The following FUT8 variants were observed in gnomAD, a reference collection of about 807,000 sequenced individuals.
FUT8 encodes fucosyltransferase 8.
FUT8 carries 29 observed loss-of-function variants against 71.3 expected under a neutral mutation model. That is an observed-to-expected ratio of 0.41 (90% CI 0.30 to 0.55). The LOEUF is 0.55. Among genes scored for constraint, FUT8 ranks in the 20% least tolerant of loss-of-function variants. FUT8 has a pLI of 0.34. For missense variants in FUT8, 544 were observed against 702.1 expected, an observed-to-expected ratio of 0.77 and a Z score of 2.55; for synonymous variants, 254 against 239.3, an observed-to-expected ratio of 1.06 and a Z score of -0.57.
the FUT8 span, among the ~76,000 whole-genome samples, chr14:65,401,485 C>G: frequency 6.6e-6 from 1 of 152,170 alleles, no homozygotes; most frequent in Non-Finnish European, 1.5e-5. Context: ...ACTTCCTTCT[C>G]TGGAGAATGT....
intron 7 of FUT8, among the ~76,000 whole-genome samples, chr14:65,691,856 G>A (rs915400140): frequency 1.4e-4 from 22 of 152,104 alleles, no homozygotes; most frequent in Non-Finnish European, 2.9e-4. Context: ...ATCTTGCACC[G>A]CCCTTAATCC....
intron 2 of FUT8, among the ~76,000 whole-genome samples, chr14:65,526,583 G>A (rs1223336545): frequency 1.3e-5 from 2 of 152,172 alleles, no homozygotes; most frequent in East Asian, 3.8e-4. Context: ...ATATTGTTAT[G>A]TGTGAATTTG....
At chr14:65,366,746 T>C in the FUT8 span, among the ~76,000 whole-genome samples, 1 of 152,202 alleles carries the variant, frequency 6.6e-6, no homozygotes, top group Non-Finnish European at 1.5e-5. Context: ...TCCTAGACTT[T>C]CCAGCTATGC....
rs182849415 is a variant in FUT8 at position 65,436,055 on chromosome 14, C to T, written c.-325-19566C>T. 1.6e-3 allele frequency among the ~76,000 whole-genome samples: 241 copies of T among 151,782 alleles called. 3 individuals carry two copies. Among genetic ancestry groups the T allele is most frequent in the Middle Eastern group, 6.8e-3 (2 of 294 alleles). On this transcript the variant is annotated intron_variant, in intron 1 of 10. Coordinates refer to ENST00000673929, the MANE Select transcript of FUT8 (RefSeq NM_001371533.1). ...AAGCAGTTCTTCTACCTCAGTCTCC[C>T]GAGAAGCTGGGACCACAGGTGTGTG... is the stretch of plus-strand genomic sequence containing the variant.
chr14:65,713,203 C>T (rs1894889689), intron 7 of FUT8, among the ~76,000 whole-genome samples: 1 of 152,206 alleles, frequency 6.6e-6, no homozygotes, highest in Non-Finnish European at 1.5e-5. Context: ...CAGTGACCTC[C>T]AGTTCCATCC....
At chr14:65,719,103 C>G (rs775533828) in intron 7 of FUT8, among the ~76,000 whole-genome samples, 2 of 152,062 alleles carry the variant, frequency 1.3e-5, no homozygotes, top group Non-Finnish European at 2.9e-5. Flanking sequence ...TTAGATTTGC[C>G]CTTTTGAAAC....
At chr14:65,693,297 G>A (rs1390107694) in intron 7 of FUT8, among the ~76,000 whole-genome samples, 3 of 152,254 alleles carry the variant, frequency 2.0e-5, no homozygotes, top group Non-Finnish European at 4.4e-5. Flanking sequence ...TCGCGGTTAG[G>A]AGCTGGAGAC....
At chr14:65,421,813 C>A (rs1041421973) in intron 1 of FUT8, among the ~76,000 whole-genome samples, 7 of 136,848 alleles carry the variant, frequency 5.1e-5, no homozygotes, top group African/African-American at 1.6e-4. Context: ...GTGGCAAATC[C>A]TGTGAAGTCA....
intron 7 of FUT8, among the ~76,000 whole-genome samples, chr14:65,696,585 C>T (rs540982074): frequency 6.6e-6 from 1 of 151,994 alleles, no homozygotes; most frequent in Admixed American, 6.5e-5. Context: ...ACTTGATGTT[C>T]TCTAGGTTTT....
intron 6 of FUT8, among the ~76,000 whole-genome samples, chr14:65,665,394 A>G (rs767655830): frequency 5.9e-5 from 9 of 152,168 alleles, no homozygotes; most frequent in African/African-American, 2.2e-4. Flanking sequence ...GAATTCAGAG[A>G]TGATTCCATT....
chr14:65,642,928 G>A (rs1890908085), intron 6 of FUT8, among the ~76,000 whole-genome samples: 1 of 152,120 alleles, frequency 6.6e-6, no homozygotes, highest in African/African-American at 2.4e-5. Context: ...AAAGTATCAT[G>A]TCATCTACAT....
intron 2 of FUT8, among the ~76,000 whole-genome samples, chr14:65,475,065 A>C (rs2066214986): frequency 6.6e-6 from 1 of 152,202 alleles, no homozygotes; most frequent in African/African-American, 2.4e-5. Flanking sequence ...TTATGCATAC[A>C]AGGATGATCT....
At chr14:65,457,007 A>G (rs1004163101) in intron 2 of FUT8, among the ~76,000 whole-genome samples, 1 of 152,078 alleles carries the variant, frequency 6.6e-6, no homozygotes, top group Non-Finnish European at 1.5e-5. Context: ...TTAAATATTC[A>G]TTTTTTCTTT....
At chr14:65,523,290 A>G (rs1444562256) in intron 2 of FUT8, among the ~76,000 whole-genome samples, 1 of 152,078 alleles carries the variant, frequency 6.6e-6, no homozygotes, top group Admixed American at 6.5e-5. Flanking sequence ...ATGGTATCTC[A>G]TTGTGGTTTT....
At chr14:65,606,601 T>C (rs970619956) in intron 3 of FUT8, among the ~76,000 whole-genome samples, 1 of 151,938 alleles carries the variant, frequency 6.6e-6, no homozygotes, top group Non-Finnish European at 1.5e-5. Flanking sequence ...TTTAGAATGA[T>C]ACCTGTGTCA....
chr14:65,526,190 A>G (rs1180290767), intron 2 of FUT8, among the ~76,000 whole-genome samples: 3 of 151,990 alleles, frequency 2.0e-5, no homozygotes, highest in Middle Eastern at 3.2e-3. Context: ...TTATTGTGTG[A>G]GAGTCTAAGT....
At chr14:65,649,139 T>G (rs556897259) in intron 6 of FUT8, among the ~76,000 whole-genome samples, 2 of 152,352 alleles carry the variant, frequency 1.3e-5, no homozygotes, top group East Asian at 3.8e-4. Flanking sequence ...CTGACACTTT[T>G]GTATGCCCAT....
rs971488227 is a variant in FUT8 at position 65,743,956 on chromosome 14, A to G, written c.*1546A>G. 1 of 151,868 alleles carries G rather than the reference A, an allele frequency of 6.6e-6. No homozygotes were observed. Among genetic ancestry groups the G allele is most frequent in the Non-Finnish European group, 1.5e-5 (1 of 67,870 alleles). The allele number at this position is 151,868 out of a possible 1,614,324, so 9.4% of individuals were successfully genotyped here. A position where few individuals can be genotyped will look rare whatever the true frequency, so the allele number is the denominator to read the frequency against. ...AGAAGAGCTATTAGTCCTGGCCTTC[A>G]TATCTTCACCAAATGAAAATACTGT... On this transcript the variant is annotated 3_prime_UTR_variant, in exon 11 of 11. Transcript: ENST00000673929.
chr14:65,585,121 C>T (rs1349796740), intron 3 of FUT8, among the ~76,000 whole-genome samples: 1 of 151,960 alleles, frequency 6.6e-6, no homozygotes, highest in East Asian at 1.9e-4. Context: ...TTTGCATTTG[C>T]CCCCTCCCCA....
Sources: gnomAD v4.1 joint callset for allele counts (sites outside exome capture counted in the v4.1 genomes callset) on GRCh38, gnomAD v4.1.1 for gene constraint, MANE v1.5 for transcripts, NCBI Gene and HGNC (gene_info 2026-07-23, HGNC 2026-07-21) for gene names.